Variants in SPRR2G observed in about 807,000 individuals in gnomAD.
SPRR2G encodes small proline-rich protein 2G.
A neutral mutation model predicts 0.7 loss-of-function variants in SPRR2G; 1 was observed. The ratio of observed to expected loss-of-function variants is 1.49; its 90% confidence interval spans 0.53 to 7.06. SPRR2G has a LOEUF of 7.06. SPRR2G is among the 30% of genes most tolerant of loss of function. The probability of loss-of-function intolerance (pLI) is 0.14; values close to 1 mark genes in which losing one functional copy is unlikely to be tolerated. For synonymous variants in SPRR2G, 38 were observed against 33.9 expected (o/e 1.12, Z -0.42); for missense variants, 96 against 88.5 (o/e 1.09, Z -0.34).
At chr1:153,181,481 C>G in the SPRR2G span, among the ~76,000 whole-genome samples, 2 of 152,100 alleles carry the variant, frequency 1.3e-5, no homozygotes, top group Non-Finnish European at 2.9e-5. Context: ...TCAGCTCACT[C>G]TAATATCAGT....
At chr1:153,164,701 T>A in the SPRR2G span, among the ~76,000 whole-genome samples, 1 of 152,232 alleles carries the variant, frequency 6.6e-6, no homozygotes, top group Non-Finnish European at 1.5e-5. Flanking sequence ...CATCACTTCA[T>A]TGTGTGGGGT....
the SPRR2G span, among the ~76,000 whole-genome samples, chr1:153,200,723 G>A: frequency 2.0e-5 from 3 of 146,668 alleles, no homozygotes; most frequent in South Asian, 2.1e-4. Flanking sequence ...TTTTTGAGAC[G>A]GAGTCTCACT....
Position 153,149,723 on chromosome 1 carries a change from A to C in SPRR2G, c.*166T>G. On this transcript the variant is annotated 3_prime_UTR_variant, in exon 2 of 2. Coordinates refer to ENST00000368748, the MANE Select transcript of SPRR2G (RefSeq NM_001014291.4). ...ATCTGGCTGCTCATCTTCCAACAACATATCGGTTTTCAGAACTAAGCCTTT... is the reference window on the plus strand; with the variant it reads ...ATCTGGCTGCTCATCTTCCAACAACCTATCGGTTTTCAGAACTAAGCCTTT... 2 of 846,366 alleles carry C rather than the reference A, an allele frequency of 2.4e-6. No individual in the cohort carries two copies. The highest frequency in any genetic ancestry group is 4.5e-5 in the Admixed American group (2 of 44,256). 52.4% of individuals were successfully genotyped at this position (846,366 alleles called of 1,614,324 possible). A position where few individuals can be genotyped will look rare whatever the true frequency, so the allele number is the denominator to read the frequency against.
chr1:153,185,916 T>G, the SPRR2G span, among the ~76,000 whole-genome samples: 1 of 152,230 alleles, frequency 6.6e-6, no homozygotes, highest in Non-Finnish European at 1.5e-5. Flanking sequence ...ACATTGTGCC[T>G]TTGTCCTCAT....
upstream of SPRR2G, among the ~76,000 whole-genome samples, chr1:153,155,740 G>C (rs77025360): frequency 0.031 from 4,704 of 152,200 alleles, 241 homozygotes; most frequent in African/African-American, 0.11. Context: ...TAATTTTGCT[G>C]ACATACCAGT....
upstream of SPRR2G, among the ~76,000 whole-genome samples, chr1:153,152,130 G>A (rs1341227844): frequency 1.3e-5 from 2 of 152,096 alleles, no homozygotes; most frequent in Non-Finnish European, 2.9e-5. Context: ...ATTACATAGT[G>A]GGTCTTCTAA....
the SPRR2G span, among the ~76,000 whole-genome samples, chr1:153,170,315 T>G: frequency 1.3e-5 from 2 of 152,192 alleles, no homozygotes; most frequent in African/African-American, 4.8e-5. Context: ...TTCTAGAATT[T>G]TAATTAAATT....
At chr1:153,164,937 T>C in the SPRR2G span, among the ~76,000 whole-genome samples, 2 of 152,196 alleles carry the variant, frequency 1.3e-5, no homozygotes, top group Admixed American at 6.5e-5. Context: ...TTCTCTCTTC[T>C]CCCTACACAC....
the SPRR2G span, among the ~76,000 whole-genome samples, chr1:153,160,268 C>A: frequency 6.6e-6 from 1 of 152,112 alleles, no homozygotes; most frequent in African/African-American, 2.4e-5. Context: ...AATAATATTA[C>A]ATTGTATATA....
the SPRR2G span, among the ~76,000 whole-genome samples, chr1:153,185,961 T>C: frequency 6.6e-6 from 1 of 152,230 alleles, no homozygotes; most frequent in East Asian, 1.9e-4. Flanking sequence ...CTGCCTTAAT[T>C]TCATTATTTA....
At chr1:153,156,264 T>C in the SPRR2G span, among the ~76,000 whole-genome samples, 1 of 152,202 alleles carries the variant, frequency 6.6e-6, no homozygotes, top group South Asian at 2.1e-4. Context: ...CATCTCATCT[T>C]TCCACTACAT....
chr1:153,158,341 G>T, the SPRR2G span, among the ~76,000 whole-genome samples: 1 of 152,174 alleles, frequency 6.6e-6, no homozygotes. Context: ...AAACAAAGGA[G>T]CCACAGGTCC....
upstream of SPRR2G, chr1:153,150,963 TG>T (rs539018247): frequency 7.2e-5 from 11 of 152,396 alleles, no homozygotes; most frequent in South Asian, 2.3e-3. Context: ...AGGACTAGCA[TG>T]ATGTGCTTAT....
the SPRR2G span, among the ~76,000 whole-genome samples, chr1:153,160,542 A>C: frequency 6.6e-6 from 1 of 152,216 alleles, no homozygotes; most frequent in Admixed American, 6.5e-5. Context: ...ATTTCTCCAC[A>C]TCCTCATCAA....
At position 153,149,954 on chromosome 1, in the gene SPRR2G, C is replaced by A; in HGVS notation, c.157G>T (p.Asp53Tyr). Residue 53 changes from aspartate (D) to tyrosine (Y), a missense_variant, in exon 2 of 2, where the codon GAT becomes TAT. Asp to Tyr is a radical substitution (Grantham distance 160). Coordinates refer to ENST00000368748, the MANE Select transcript of SPRR2G (RefSeq NM_001014291.4). ...PEHCPPPPCQ[D>Y]KCPPVQPYPP... is the part of the protein sequence containing the mutation. ...TATGGTTGCACAGGAGGGCATTTAT[C>A]CTGGCATGGTGGAGGTGGGCAATGC... The A allele has an allele frequency of 6.2e-7, 1 of 1,613,980 alleles. No homozygotes were observed. The highest frequency in any genetic ancestry group is 1.3e-5 in the African/African-American group (1 of 74,970).
At chr1:153,199,396 C>T in the SPRR2G span, among the ~76,000 whole-genome samples, 2 of 152,302 alleles carry the variant, frequency 1.3e-5, no homozygotes, top group South Asian at 4.1e-4. Context: ...CAACACCCAG[C>T]CAGCAGGGAG....
At chr1:153,151,872 C>T (rs564977268), upstream of SPRR2G, among the ~76,000 whole-genome samples, 12 of 152,290 alleles carry the variant, frequency 7.9e-5, no homozygotes, top group East Asian at 1.2e-3. Context: ...ACAGATCCCA[C>T]GGATAATTTC....
At chr1:153,163,047 A>T in the SPRR2G span, among the ~76,000 whole-genome samples, 3,366 of 152,340 alleles carry the variant, frequency 0.022, 112 homozygotes, top group East Asian at 0.11. Flanking sequence ...CCGTCCATTC[A>T]ATCAATAGTT....
At chr1:153,184,356 A>G in the SPRR2G span, among the ~76,000 whole-genome samples, 1 of 152,140 alleles carries the variant, frequency 6.6e-6, no homozygotes, top group Non-Finnish European at 1.5e-5. Flanking sequence ...AAGTTTTTCC[A>G]GTTGTTTGTG....
Sources: allele counts gnomAD v4.1 joint callset (sites outside exome capture counted in the v4.1 genomes callset), GRCh38; gene constraint gnomAD v4.1.1; transcripts MANE v1.5; gene names NCBI Gene and HGNC (gene_info 2026-07-23, HGNC 2026-07-21).